C16orf89: variants seen among roughly 807,000 people sequenced by gnomAD.
C16orf89 encodes the protein chromosome 16 open reading frame 89.
A neutral mutation model predicts 41.5 loss-of-function variants in C16orf89; 57 were observed. The observed-to-expected ratio is 1.38, with a 90% CI of 1.11 to 1.71. C16orf89 has a LOEUF of 1.71. Ranked by LOEUF, C16orf89 falls within the 40% of genes most tolerant of loss-of-function variation. The probability of loss-of-function intolerance (pLI) is 0.00; values close to 1 mark genes in which losing one functional copy is unlikely to be tolerated. For missense variants in C16orf89, 575 were observed against 445.9 expected (o/e 1.29, Z -2.61); for synonymous variants, 223 against 190.6 (o/e 1.17, Z -1.40).
chr16:5,044,023 G>T, downstream of C16orf89: 212 of 583,146 alleles, frequency 3.6e-4, no homozygotes, highest in South Asian at 4.6e-4. Context: ...AAGGAAAAAA[G>T]AAAAAAGAAT....
At position 5,056,052 on chromosome 16, in the gene C16orf89, C is replaced by T. The variant is rs1482174442; in HGVS notation, c.763+1G>A. ...CCCCGGGGGCAGAATGCTGGCCATA[C>T]TGTTTTCCATGAAGATGTCCCGGGT... On this transcript the variant is annotated splice_donor_variant, in intron 5 of 7. Coordinates refer to ENST00000472572, the MANE Select transcript of C16orf89 (RefSeq NM_001098514.3). LOFTEE classifies it high-confidence loss of function. 7 of 1,588,748 alleles carry T rather than the reference C, an allele frequency of 4.4e-6. 1 individual carries two copies. Among genetic ancestry groups the T allele is most frequent in the Middle Eastern group, 1.7e-4 (1 of 5,996 alleles).
intron 6 of C16orf89, 137 bp downstream of exon 6, chr16:5,055,107 CTG>C (rs1956467292): frequency 1.3e-6 from 1 of 745,440 alleles, no homozygotes; most frequent in South Asian, 1.8e-5. Flanking sequence ...GTGTACACGT[CTG>C]TGTGTGTGCA....
chr16:5,061,666 T>C (rs1379277316), intron 2 of C16orf89, among the ~76,000 whole-genome samples: 1 of 151,926 alleles, frequency 6.6e-6, no homozygotes, highest in Non-Finnish European at 1.5e-5. Context: ...GGACCAGGCC[T>C]GGGAGAGGGT....
chr16:5,047,688 C>G (rs924816954), intron 7 of C16orf89, among the ~76,000 whole-genome samples, 190 bp downstream of exon 7: 4 of 151,926 alleles, frequency 2.6e-5, no homozygotes, highest in Non-Finnish European at 4.4e-5. Flanking sequence ...GGCTATCTCC[C>G]CACTTTCTAA....
chr16:5,056,660 C>T (rs1240586158), intron 4 of C16orf89, among the ~76,000 whole-genome samples: 1 of 152,202 alleles, frequency 6.6e-6, no homozygotes, highest in Non-Finnish European at 1.5e-5. Flanking sequence ...CTGGTGACTC[C>T]CCACACTGGG....
At chr16:5,064,082 A>C (rs1365293434) in intron 1 of C16orf89, among the ~76,000 whole-genome samples, 2 of 152,106 alleles carry the variant, frequency 1.3e-5, no homozygotes, top group East Asian at 3.8e-4. Flanking sequence ...CTGAGGTGGC[A>C]CCACTGCACT....
At chr16:5,061,265 A>G (rs1209921905) in intron 2 of C16orf89, among the ~76,000 whole-genome samples, 2 of 33,530 alleles carry the variant, frequency 6.0e-5, no homozygotes, top group Non-Finnish European at 1.4e-4. Flanking sequence ...CCATCTCAAG[A>G]AAAAAAAAAA....
At position 5,044,179 on chromosome 16, in the gene C16orf89, C is replaced by G; in HGVS notation, c.*169G>C. 1 of 1,376,776 alleles carries G rather than the reference C, an allele frequency of 7.3e-7. No individual in the cohort carries two copies. The highest frequency in any genetic ancestry group is 9.3e-7 in the Non-Finnish European group (1 of 1,069,980). 85.3% of individuals were successfully genotyped at this position (1,376,776 alleles called of 1,614,324 possible). The stretch of plus-strand genomic sequence containing the variant: ...CACCTGGGTCCCTCCCGGCCCCCAC[C>G]TACCCTGGCCTTGCCTACTCAGGGC... On this transcript the variant is annotated 3_prime_UTR_variant, in exon 8 of 8. Transcript: ENST00000472572.
In C16orf89 at chr16:5,047,881, G is replaced by A. The variant is rs148712817; in HGVS notation, c.952C>T (p.Pro318Ser). 1.2e-3 allele frequency: 1,931 copies of A among 1,556,420 alleles called. 15 individuals are homozygous for A. The Middle Eastern group carries it at 0.017, about 14-fold the overall frequency. The change falls in exon 7 of 8, where the codon CCA becomes TCA. Residue 318 changes from proline to serine, a missense_variant. Coordinates refer to ENST00000472572, the MANE Select transcript of C16orf89 (RefSeq NM_001098514.3). ...RRVKRREKQF[P>S]DGCSSHNTAT... ...CTCCCTTGGGTATTTTCATTACCTG[G>A]AAATTGTTTTTCTCGCCTCTTCACT... is the stretch of plus-strand genomic sequence containing the variant.
intron 6 of C16orf89, among the ~76,000 whole-genome samples, chr16:5,049,897 C>CAATGAATCAAATGAAACAAAAATGAAACA (rs1956365916): frequency 6.6e-6 from 1 of 151,346 alleles, no homozygotes; most frequent in Non-Finnish European, 1.5e-5. Context: ...TAGGAAAGAT[C>CAATGAATCAAATGAAACAAAAATGAAACA]AATGAAACAA....
Position 5,056,274 on chromosome 16 carries a change from G to A in C16orf89, c.628-86C>T, listed in dbSNP as rs369268918. ...TGCTATGGGAAAGTCTTGCAGTTCTGAGACGGTCTTGCAAGGGGCTGTGTT... is the reference window on the plus strand; with the variant it reads ...TGCTATGGGAAAGTCTTGCAGTTCTAAGACGGTCTTGCAAGGGGCTGTGTT... On this transcript the variant is annotated intron_variant, in intron 4 of 7. Coordinates refer to ENST00000472572, the MANE Select transcript of C16orf89 (RefSeq NM_001098514.3). The A allele has an allele frequency of 1.3e-4, 181 of 1,352,444 alleles. No homozygotes were observed. The African/African-American group carries it at 2.1e-3, about 16-fold the overall frequency. 83.8% of individuals were successfully genotyped at this position (1,352,444 alleles called of 1,614,324 possible).
intron 4 of C16orf89, among the ~76,000 whole-genome samples, chr16:5,056,401 G>C (rs912224170): frequency 6.6e-6 from 1 of 152,180 alleles, no homozygotes; most frequent in Non-Finnish European, 1.5e-5. Flanking sequence ...TGCCACTTAG[G>C]AGCAAACCAC....
chr16:5,046,796 A>G (rs1956305844), intron 7 of C16orf89, among the ~76,000 whole-genome samples: 1 of 151,712 alleles, frequency 6.6e-6, no homozygotes, highest in Admixed American at 6.6e-5. Flanking sequence ...TCCCATCCCA[A>G]TATACTTATA....
intron 6 of C16orf89, among the ~76,000 whole-genome samples, chr16:5,052,308 G>GTCCACCTCCAACC (rs2142624881): frequency 6.6e-6 from 1 of 151,622 alleles, no homozygotes; most frequent in African/African-American, 2.4e-5. Flanking sequence ...ACAAAAAATG[G>GTCCACCTCCAACC]CCAAGCGCAG....
At position 5,044,168 on chromosome 16, in the gene C16orf89, C is replaced by A; in HGVS notation, c.*180G>T. 7.3e-7 allele frequency: 1 copy of A among 1,361,214 alleles called. No homozygotes were observed. Among genetic ancestry groups the A allele is most frequent in the Non-Finnish European group, 9.4e-7 (1 of 1,061,228 alleles). The allele number at this position is 1,361,214 out of a possible 1,614,324, so 84.3% of individuals were successfully genotyped here. On this transcript the variant is annotated 3_prime_UTR_variant, in exon 8 of 8. Coordinates refer to ENST00000472572, the MANE Select transcript of C16orf89 (RefSeq NM_001098514.3). Reference sequence around the variant, plus strand: ...TCATCCGTTCACACCTGGGTCCCTCCCGGCCCCCACCTACCCTGGCCTTGC... The same window carrying A: ...TCATCCGTTCACACCTGGGTCCCTCACGGCCCCCACCTACCCTGGCCTTGC...
chr16:5,052,852 C>A lies in C16orf89; in HGVS notation c.868+2394G>T, dbSNP rs116939548. The stretch of plus-strand genomic sequence containing the variant: ...CCCATGTTTATTGCAGCGCTATTCA[C>A]AGTAGCCAAGATACAGCAACCTGAG... On this transcript the variant is annotated intron_variant, in intron 6 of 7. Transcript: ENST00000472572. Among the ~76,000 whole-genome samples the A allele has an allele frequency of 2.8e-3, 428 of 152,312 alleles. 2 individuals carry two copies. The highest frequency in any genetic ancestry group is 3.7e-3 in the Non-Finnish European group (253 of 68,030).
At chr16:5,060,634 C>T (rs1019382285) in intron 2 of C16orf89, among the ~76,000 whole-genome samples, 198 bp from the exon 3 acceptor site, 7 of 152,072 alleles carry the variant, frequency 4.6e-5, no homozygotes, top group Non-Finnish European at 8.8e-5. Context: ...ATTTTTTCCC[C>T]TAATCAATAG....
downstream of C16orf89, chr16:5,043,965 G>T: frequency 4.0e-6 from 1 of 250,190 alleles, no homozygotes; most frequent in Non-Finnish European, 6.3e-6. Flanking sequence ...GCTGCAGTGA[G>T]CCTAGGTGAC....
intron 1 of C16orf89, among the ~76,000 whole-genome samples, chr16:5,065,058 G>A (rs975753944): frequency 1.3e-5 from 2 of 152,178 alleles, no homozygotes; most frequent in African/African-American, 2.4e-5. Context: ...GCTTGTGTGT[G>A]TGTGTGATAT....
Sources: gnomAD v4.1 joint callset for allele counts (sites outside exome capture counted in the v4.1 genomes callset) on GRCh38, gnomAD v4.1.1 for gene constraint, MANE v1.5 for transcripts, NCBI Gene and HGNC (gene_info 2026-07-23, HGNC 2026-07-21) for gene names.